The following BMERB1 variants were observed in gnomAD, a reference collection of about 807,000 sequenced individuals.
BMERB1 encodes bMERB domain containing 1.
Under a neutral mutation model 23.6 loss-of-function variants are expected in BMERB1, and 12 were observed. That is an observed-to-expected ratio of 0.51 (90% CI 0.33 to 0.82). The LOEUF (loss-of-function observed/expected upper bound fraction) is 0.82. BMERB1 is among the 40% of genes least tolerant of loss of function. The pLI is 0.03. For synonymous variants in BMERB1, 122 were observed against 96.6 expected (o/e 1.26, Z -1.54); for missense variants, 247 against 255.4 (o/e 0.97, Z 0.22).
intron 1 of BMERB1, among the ~76,000 whole-genome samples, chr16:15,480,023 A>ATATATATATAATATATATATAT (rs567929504): frequency 1.4e-5 from 2 of 147,864 alleles, no homozygotes; most frequent in African/African-American, 4.9e-5. Context: ...ATATATATAT[A>ATATATATATAATATATATATAT]ATATATATTT....
intron 1 of BMERB1, among the ~76,000 whole-genome samples, chr16:15,440,785 C>T (rs1214536081): frequency 1.3e-5 from 2 of 152,146 alleles, no homozygotes; most frequent in Non-Finnish European, 2.9e-5. Context: ...CGACAAAGTC[C>T]CTGCCCACAT....
chr16:15,581,030 C>T (rs1308318624), intron 3 of BMERB1, among the ~76,000 whole-genome samples, 187 bp from the exon 4 acceptor site: 1 of 152,076 alleles, frequency 6.6e-6, no homozygotes, highest in Non-Finnish European at 1.5e-5. Flanking sequence ...TGGTGGCTGA[C>T]AGCCTCCCGA....
At chr16:15,477,435 A>G (rs1053688609) in intron 1 of BMERB1, among the ~76,000 whole-genome samples, 8 of 152,144 alleles carry the variant, frequency 5.3e-5, no homozygotes, top group African/African-American at 1.7e-4. Context: ...GAGCCAAACC[A>G]TATCAGCAAC....
chr16:15,473,635 C>G (rs2051250360), intron 1 of BMERB1, among the ~76,000 whole-genome samples: 1 of 152,002 alleles, frequency 6.6e-6, no homozygotes, highest in Non-Finnish European at 1.5e-5. Context: ...ACAACAAATT[C>G]TCTTAGTGTT....
At chr16:15,556,919 A>G (rs113775929) in intron 2 of BMERB1, among the ~76,000 whole-genome samples, 1,647 of 152,234 alleles carry the variant, frequency 0.011, 34 homozygotes, top group African/African-American at 0.037. Context: ...GTCTTAAGAT[A>G]CCTGCAGCCT....
intron 1 of BMERB1, among the ~76,000 whole-genome samples, chr16:15,509,751 T>G (rs2051638622): frequency 6.6e-6 from 1 of 152,318 alleles, no homozygotes; most frequent in Non-Finnish European, 1.5e-5. Flanking sequence ...GACATTGTTG[T>G]CAGGAAGCTT....
intron 1 of BMERB1, among the ~76,000 whole-genome samples, chr16:15,482,428 C>T (rs1209157865): frequency 6.6e-6 from 1 of 152,158 alleles, no homozygotes; most frequent in Non-Finnish European, 1.5e-5. Context: ...TAGTGGCCAC[C>T]AGAACCATCC....
intron 2 of BMERB1, among the ~76,000 whole-genome samples, chr16:15,550,042 C>T (rs995459042): frequency 5.3e-5 from 8 of 151,866 alleles, no homozygotes; most frequent in African/African-American, 1.5e-4. Flanking sequence ...CTCCACCTCC[C>T]GGGTTCACGC....
chr16:15,563,262 C>G (rs2030474921), intron 2 of BMERB1, among the ~76,000 whole-genome samples: 1 of 152,082 alleles, frequency 6.6e-6, no homozygotes, highest in African/African-American at 2.4e-5. Flanking sequence ...GAGACTCGCT[C>G]TGTTGCCCAG....
intron 5 of BMERB1, chr16:15,583,975 A>G (rs1182437800): frequency 1.4e-6 from 1 of 700,552 alleles, no homozygotes; most frequent in Non-Finnish European, 2.6e-6. Flanking sequence ...TTGGGTAGCT[A>G]CTGAGGCTCA....
chr16:15,562,811 G>T (rs2030460274), intron 2 of BMERB1, among the ~76,000 whole-genome samples: 1 of 152,226 alleles, frequency 6.6e-6, no homozygotes. Flanking sequence ...GGAACAGTCT[G>T]TGCCCTCCCG....
intron 1 of BMERB1, among the ~76,000 whole-genome samples, chr16:15,513,848 C>G (rs145839693): frequency 0.046 from 6,972 of 151,906 alleles, 216 homozygotes; most frequent in Non-Finnish European, 0.071. Context: ...GAGCCAAGAT[C>G]GTGCCACTGC....
At chr16:15,530,466 T>TG (rs2051956412) in intron 2 of BMERB1, among the ~76,000 whole-genome samples, 2 of 152,212 alleles carry the variant, frequency 1.3e-5, no homozygotes, top group Admixed American at 6.5e-5. Context: ...TGGAGTGCAG[T>TG]GACACGGTCA....
chr16:15,525,273 A>C (rs2051895212), intron 2 of BMERB1, among the ~76,000 whole-genome samples: 1 of 152,112 alleles, frequency 6.6e-6, no homozygotes, highest in Non-Finnish European at 1.5e-5. Flanking sequence ...CTGAAACATC[A>C]GCTCTTCTTG....
At chr16:15,522,058 T>C (rs1361839609) in intron 2 of BMERB1, among the ~76,000 whole-genome samples, 1 of 152,164 alleles carries the variant, frequency 6.6e-6, no homozygotes, top group Non-Finnish European at 1.5e-5. Context: ...ACCAACCCGC[T>C]CCTGCTGTTT....
chr16:15,464,428 C>T (rs997160192), intron 1 of BMERB1, among the ~76,000 whole-genome samples: 1 of 151,730 alleles, frequency 6.6e-6, no homozygotes, highest in Non-Finnish European at 1.5e-5. Flanking sequence ...TTCAAGACTA[C>T]ACTGGCCAAC....
At chr16:15,453,241 G>A (rs1024229556) in intron 1 of BMERB1, among the ~76,000 whole-genome samples, 1 of 152,088 alleles carries the variant, frequency 6.6e-6, no homozygotes, top group Admixed American at 6.6e-5. Context: ...CAGGGTTAAT[G>A]CTCGAAATTT....
chr16:15,505,134 C>T (rs1389874833), intron 1 of BMERB1, among the ~76,000 whole-genome samples: 1 of 152,170 alleles, frequency 6.6e-6, no homozygotes, highest in African/African-American at 2.4e-5. Context: ...CTTGCCAAGT[C>T]ATTTTACATC....
At chr16:15,560,583 G>A (rs903201549) in intron 2 of BMERB1, among the ~76,000 whole-genome samples, 19 of 152,198 alleles carry the variant, frequency 1.2e-4, no homozygotes, top group Admixed American at 1.2e-3. Flanking sequence ...CTTGAGTCCA[G>A]GAGTTTGAGA....
Sources: gnomAD v4.1 joint callset for allele counts (sites outside exome capture counted in the v4.1 genomes callset) on GRCh38, gnomAD v4.1.1 for gene constraint, MANE v1.5 for transcripts, NCBI Gene and HGNC (gene_info 2026-07-23, HGNC 2026-07-21) for gene names.